Variants in ADAMTS7 observed in about 807,000 individuals in gnomAD.
ADAMTS7 encodes A disintegrin and metalloproteinase with thrombospondin motifs 7.
Under a neutral mutation model 172.6 loss-of-function variants are expected in ADAMTS7, and 89 were observed. The ratio of observed to expected loss-of-function variants is 0.52; its 90% CI spans 0.43 to 0.61. ADAMTS7 has a LOEUF of 0.61. Ranked by LOEUF, ADAMTS7 falls within the 20% of genes least tolerant of loss-of-function variation. ADAMTS7 has a pLI of 0.00. For missense variants in ADAMTS7, 1,973 were observed against 2,355.6 expected (o/e 0.84, Z 3.36); for synonymous variants, 885 against 978.4 (o/e 0.90, Z 1.78).
At chr15:78,796,022 C>A (rs1190305179) in intron 4 of ADAMTS7, among the ~76,000 whole-genome samples, 3 of 152,164 alleles carry the variant, frequency 2.0e-5, no homozygotes, top group Admixed American at 2.0e-4. Context: ...AGTTTGCCCA[C>A]CCCACAAGGT....
Position 78,767,471 on chromosome 15 carries a change from C to A in ADAMTS7, c.2767G>T (p.Ala923Ser). 6.2e-7 allele frequency: 1 copy of A among 1,611,438 alleles called. No individual in the cohort carries two copies. Among genetic ancestry groups the A allele is most frequent in the Non-Finnish European group, 8.5e-7 (1 of 1,179,718 alleles). Residue 923 changes from alanine to serine, a missense_variant, in exon 18 of 24, where the codon GCC becomes TCC. Coordinates refer to ENST00000388820, the MANE Select transcript of ADAMTS7 (RefSeq NM_014272.5). Reference sequence around the variant, plus strand: ...GGGGGCCGGGGAAGGTGTTCACAGGCGGGTGGCTCCAGGGCGCTCTGCTCA... The same window carrying A: ...GGGGGCCGGGGAAGGTGTTCACAGGAGGGTGGCTCCAGGGCGCTCTGCTCA... Reference protein sequence around the residue: ...LDEQSALEPPACEHLPRPPTE... With the variant: ...LDEQSALEPPSCEHLPRPPTE...
chr15:78,783,815 C>T (rs2055465172), intron 8 of ADAMTS7, among the ~76,000 whole-genome samples: 1 of 152,066 alleles, frequency 6.6e-6, no homozygotes, highest in African/African-American at 2.4e-5. Context: ...ACATGATGCT[C>T]AGAGGAAATG....
intron 23 of ADAMTS7, among the ~76,000 whole-genome samples, chr15:78,761,718 G>A (rs1420115824): frequency 6.6e-6 from 1 of 152,164 alleles, no homozygotes; most frequent in Non-Finnish European, 1.5e-5. Flanking sequence ...CAGGAAGGAA[G>A]TGTATGACTG....
In ADAMTS7 at chr15:78,797,962, G is replaced by A. The variant is rs1445332219; in HGVS notation, c.608C>T (p.Thr203Ile). 3.4e-5 allele frequency: 55 copies of A among 1,600,562 alleles called. No individual in the cohort carries two copies. Among genetic ancestry groups the A allele is most frequent in the Non-Finnish European group, 4.3e-5 (51 of 1,174,882 alleles). The change falls in exon 3 of 24, where the codon ACC becomes ATC. Residue 203 changes from threonine (T) to isoleucine (I), a missense_variant. Physicochemically the swap from Thr to Ile is moderately conservative, Grantham distance 89. This residue lies in a region of ADAMTS7 where 526 missense variants were observed against 662.9 expected (regional missense o/e 0.79). Coordinates refer to ENST00000388820, the MANE Select transcript of ADAMTS7 (RefSeq NM_014272.5). ...GAAGAGCATACCTTGCACTCCACAG[G>A]TGCTTGGAGCACTGGAATCACCCCG... Reference protein sequence around the residue: ...AQRGDSSAPSTCGVQVYPELE... With the variant: ...AQRGDSSAPSICGVQVYPELE...
chr15:78,770,775 G>A (rs148351501), intron 16 of ADAMTS7: 314 of 202,266 alleles, frequency 1.6e-3, no homozygotes, highest in Middle Eastern at 2.1e-3. Flanking sequence ...AGCATGGGGA[G>A]AGAGGGAAAT....
Position 78,766,585 on chromosome 15 carries a change from C to T in ADAMTS7, c.3326G>A (p.Ser1109Asn). The T allele has an allele frequency of 1.2e-6, 2 of 1,602,960 alleles. No homozygotes were observed. Among genetic ancestry groups the T allele is most frequent in the Non-Finnish European group, 1.7e-6 (2 of 1,177,312 alleles). ...HSHPAAPSTGSPVPATEPPAA... is the reference protein window; with the variant it reads ...HSHPAAPSTGNPVPATEPPAA... ...AGGAGGCTCTGTGGCAGGCACGGGG[C>T]TACCCGTGGAGGGCGCAGCAGGATG... The change falls in exon 19 of 24, where the codon AGC becomes AAC. Residue 1109 changes from serine (S) to asparagine (N), a missense_variant. Physicochemically the swap from Ser to Asn is conservative, Grantham distance 46. Coordinates refer to ENST00000388820, the MANE Select transcript of ADAMTS7 (RefSeq NM_014272.5).
intron 1 of ADAMTS7, among the ~76,000 whole-genome samples, chr15:78,804,871 T>G (rs1348694381): frequency 2.0e-5 from 3 of 152,136 alleles, no homozygotes. Flanking sequence ...ACTCACTAAA[T>G]CAGCATTTCC....
In ADAMTS7 at chr15:78,774,127, G is replaced by A. The variant is rs778327640; in HGVS notation, c.2010+40C>T. 2.5e-6 allele frequency: 4 copies of A among 1,586,066 alleles called. No individual in the cohort carries two copies. In the East Asian group the frequency reaches 6.8e-5, roughly 27 times the overall value. On this transcript the variant is annotated intron_variant, in intron 13 of 23. Coordinates refer to ENST00000388820, the MANE Select transcript of ADAMTS7 (RefSeq NM_014272.5). ...CTGGGGCCTGCCAGTGGGGCTGGGGGCAGGCAGTGCTGGGAGAGCCTCTTC... is the reference window on the plus strand; with the variant it reads ...CTGGGGCCTGCCAGTGGGGCTGGGGACAGGCAGTGCTGGGAGAGCCTCTTC...
At chr15:78,789,015 T>C (rs942727708) in intron 7 of ADAMTS7, among the ~76,000 whole-genome samples, 44 of 152,200 alleles carry the variant, frequency 2.9e-4, no homozygotes, top group African/African-American at 9.9e-4. Context: ...CTGTTCTTTC[T>C]GCAGCCATAA....
At chr15:78,801,850 T>A (rs2055729464) in intron 1 of ADAMTS7, among the ~76,000 whole-genome samples, 1 of 151,946 alleles carries the variant, frequency 6.6e-6, no homozygotes, top group Non-Finnish European at 1.5e-5. Context: ...GCTAATTTTT[T>A]TTTATTTTTA....
Position 78,800,315 on chromosome 15 carries a change from C to A in ADAMTS7, c.333G>T (p.Arg111=). The A allele has an allele frequency of 6.3e-7, 1 of 1,593,894 alleles. No individual in the cohort carries two copies. The highest frequency in any genetic ancestry group is 8.5e-7 in the Non-Finnish European group (1 of 1,173,394). Reference sequence around the variant, plus strand: ...GCGCGCGGCCCAGGCCGCCGCGCCGCCGCGTCTCGCTCACAAAGCCGGGCG... The same window carrying A: ...GCGCGCGGCCCAGGCCGCCGCGCCGACGCGTCTCGCTCACAAAGCCGGGCG... The part of the protein sequence containing the change: ...LLAPGFVSET[R]RRGGLGRAHI... The change falls in exon 2 of 24, where the codon CGG becomes CGT. Residue 111 remains arginine, a synonymous_variant. Coordinates refer to ENST00000388820, the MANE Select transcript of ADAMTS7 (RefSeq NM_014272.5).
chr15:78,773,370 C>G (rs1792504600), intron 13 of ADAMTS7, among the ~76,000 whole-genome samples, 167 bp from the exon 14 acceptor site: 1 of 150,352 alleles, frequency 6.7e-6, no homozygotes, highest in Non-Finnish European at 1.5e-5. Context: ...GTGAACCTCT[C>G]TACTTCCCTA....
At chr15:78,801,540 TC>T (rs1422925871) in intron 1 of ADAMTS7, among the ~76,000 whole-genome samples, 1 of 152,144 alleles carries the variant, frequency 6.6e-6, no homozygotes, top group African/African-American at 2.4e-5. Flanking sequence ...GCTCTCCCTA[TC>T]CCCCTTCCTT....
At chr15:78,770,089 G>A (rs908148410) in intron 16 of ADAMTS7, among the ~76,000 whole-genome samples, 1 of 152,114 alleles carries the variant, frequency 6.6e-6, no homozygotes, top group Admixed American at 6.5e-5. Flanking sequence ...CTGGAGCCTG[G>A]GAGGCGGAGG....
In ADAMTS7 at chr15:78,774,870, CT is replaced by C. The variant is rs1224481232; in HGVS notation, c.1707-78del. 1.3e-5 allele frequency: 20 copies of C among 1,489,534 alleles called. No homozygotes were observed. The African/African-American group carries it at 2.8e-4, about 21-fold the overall frequency. 92.3% of individuals were successfully genotyped at this position (1,489,534 alleles called of 1,614,324 possible). ...CATGGCCACAGCCCAGAGCAAGCAA[CT>C]TCCTCCTGCATCCACACCCCGAGAT... On this transcript the variant is annotated intron_variant, in intron 11 of 23. Coordinates refer to ENST00000388820, the MANE Select transcript of ADAMTS7 (RefSeq NM_014272.5).
At position 78,759,434 on chromosome 15, in the gene ADAMTS7, A is replaced by G. The variant is rs1341170602; in HGVS notation, c.5048T>C (p.Val1683Ala). ...ATCCTGGCGCAGTCAGCGGCGGGCA[A>G]CCCGCTGATGGCCTCGGGAGGGGGC... ...HGAPSRGHQR[V>A]ARR Residue 1683 changes from valine (V) to alanine (A), a missense_variant, in exon 24 of 24, where the codon GTT becomes GCT. Val to Ala is a moderately conservative substitution (Grantham distance 64). Around this residue, in one of 8 missense-constraint regions of ADAMTS7, gnomAD observed 94 missense variants for 95.4 expected, o/e 0.99. Transcript: ENST00000388820. 4 of 1,594,106 alleles carry G rather than the reference A, an allele frequency of 2.5e-6. No individual in the cohort carries two copies. The highest frequency in any genetic ancestry group is 3.4e-6 in the Non-Finnish European group (4 of 1,176,212).
At chr15:78,787,037 A>G (rs1451721005) in intron 8 of ADAMTS7, among the ~76,000 whole-genome samples, 4 of 152,192 alleles carry the variant, frequency 2.6e-5, no homozygotes, top group Non-Finnish European at 4.4e-5. Flanking sequence ...GCTTTTCTCT[A>G]GCTTACTTTA....
intron 1 of ADAMTS7, among the ~76,000 whole-genome samples, chr15:78,808,532 C>T (rs1160817490): frequency 6.6e-6 from 1 of 152,108 alleles, no homozygotes; most frequent in African/African-American, 2.4e-5. Context: ...CACTGCAGCC[C>T]GCCAGCATTA....
intron 22 of ADAMTS7, 42 bp downstream of exon 22, chr15:78,763,657 A>G: frequency 6.6e-7 from 1 of 1,504,182 alleles, no homozygotes; most frequent in Non-Finnish European, 8.8e-7. Context: ...ACCAGGCGCC[A>G]CCAAGCACTT....
Sources: gnomAD v4.1 joint callset for allele counts (sites outside exome capture counted in the v4.1 genomes callset) on GRCh38, gnomAD v4.1.1 for gene constraint, gnomAD v4.1.1 regional missense constraint, MANE v1.5 for transcripts, NCBI Gene and HGNC (gene_info 2026-07-23, HGNC 2026-07-21) for gene names.